Variants in SLC41A3 observed in about 807,000 individuals in gnomAD.
SLC41A3 encodes the protein SLC41A1-like 2.
A neutral mutation model predicts 45.4 loss-of-function variants in SLC41A3; 44 were observed. That is an observed-to-expected ratio of 0.97 (90% CI 0.76 to 1.25). SLC41A3 has a LOEUF of 1.25. Among genes scored for constraint, SLC41A3 ranks in the 50% most tolerant of loss-of-function variants. The pLI is 0.00. For missense variants in SLC41A3, 550 were observed against 600.6 expected (o/e 0.92, Z 0.88); for synonymous variants, 256 against 252.4 (o/e 1.01, Z -0.13).
upstream of SLC41A3, among the ~76,000 whole-genome samples, chr3:126,089,276 G>A (rs1158809974): frequency 6.6e-6 from 1 of 152,170 alleles, no homozygotes; most frequent in Non-Finnish European, 1.5e-5. Context: ...CTTGCTGCTA[G>A]GAACCCAAAC....
At chr3:126,010,076 G>A (rs907118091) in intron 9 of SLC41A3, among the ~76,000 whole-genome samples, 5 of 152,334 alleles carry the variant, frequency 3.3e-5, no homozygotes, top group Non-Finnish European at 7.4e-5. Context: ...CAACATGGTC[G>A]TGAGTCCCCT....
intron 1 of SLC41A3, among the ~76,000 whole-genome samples, chr3:126,082,976 C>A (rs144464727): frequency 1.3e-5 from 2 of 152,222 alleles, no homozygotes; most frequent in African/African-American, 4.8e-5. Flanking sequence ...CCCAGCTCCT[C>A]CCCTTTCTAG....
At chr3:126,056,237 G>C (rs1358816886) in intron 2 of SLC41A3, 2 of 1,305,738 alleles carry the variant, frequency 1.5e-6, no homozygotes, top group Non-Finnish European at 2.1e-6. Context: ...AGCAAGGGCA[G>C]GTTGAGGGCT....
intron 2 of SLC41A3, among the ~76,000 whole-genome samples, chr3:126,059,589 A>G (rs1943947720): frequency 6.6e-6 from 1 of 152,112 alleles, no homozygotes; most frequent in African/African-American, 2.4e-5. Context: ...ACAGTTTCCC[A>G]AGATCACACA....
intron 3 of SLC41A3, among the ~76,000 whole-genome samples, chr3:126,038,467 A>T (rs990275664): frequency 2.0e-5 from 3 of 152,246 alleles, no homozygotes; most frequent in Admixed American, 6.5e-5. Flanking sequence ...TGTGCCCTGA[A>T]CGCAGGACAT....
upstream of SLC41A3, among the ~76,000 whole-genome samples, chr3:126,085,058 ATTCCT>A (rs553497564): frequency 1.2e-4 from 18 of 152,336 alleles, no homozygotes; most frequent in East Asian, 3.1e-3. Context: ...TAACCCAGAC[ATTCCT>A]TTCTTTAATC....
At chr3:126,051,620 A>C (rs1170668402) in intron 2 of SLC41A3, among the ~76,000 whole-genome samples, 1 of 152,232 alleles carries the variant, frequency 6.6e-6, no homozygotes, top group African/African-American at 2.4e-5. Context: ...CTTCAAAGAC[A>C]GATGAAAGGG....
At chr3:126,036,396 G>A (rs1257211042) in intron 3 of SLC41A3, among the ~76,000 whole-genome samples, 1 of 152,202 alleles carries the variant, frequency 6.6e-6, no homozygotes, top group Non-Finnish European at 1.5e-5. Flanking sequence ...CCAACAGTGA[G>A]TTTGGGGTGT....
intron 2 of SLC41A3, among the ~76,000 whole-genome samples, chr3:126,066,133 G>A (rs1333030864): frequency 6.6e-6 from 1 of 152,208 alleles, no homozygotes; most frequent in African/African-American, 2.4e-5. Context: ...TGTCTGTCTT[G>A]CCAGCAGACT....
chr3:126,083,497 G>A (rs1043938492), intron 1 of SLC41A3, among the ~76,000 whole-genome samples: 2 of 152,148 alleles, frequency 1.3e-5, no homozygotes, highest in Non-Finnish European at 2.9e-5. Flanking sequence ...ACAGACTCCC[G>A]GCTGGGCACC....
Position 126,045,874 on chromosome 3 carries a change from A to G in SLC41A3, c.381+5069T>C, listed in dbSNP as rs72979465. The stretch of plus-strand genomic sequence containing the variant: ...AAAAATCTTCAAAAAATACTAATAA[A>G]CTGAATACAACAGTATATTAAAAGG... On this transcript the variant is annotated intron_variant, in intron 3 of 10. Transcript: ENST00000360370. Among the ~76,000 whole-genome samples the G allele has an allele frequency of 5.9e-3, 896 of 152,204 alleles. 6 individuals are homozygous for G. The highest frequency in any genetic ancestry group is 0.021 in the African/African-American group (853 of 41,528).
At chr3:126,074,807 C>T (rs573579347) in intron 1 of SLC41A3, among the ~76,000 whole-genome samples, 5 of 152,038 alleles carry the variant, frequency 3.3e-5, no homozygotes, top group South Asian at 2.1e-4. Context: ...CAGCTTCCTG[C>T]GTAGCTGGGG....
At chr3:126,096,240 T>C (rs911539601) in intron 1 of SLC41A3, among the ~76,000 whole-genome samples, 1 of 152,254 alleles carries the variant, frequency 6.6e-6, no homozygotes, top group Admixed American at 6.5e-5. Context: ...ATGATTATTA[T>C]GCTTTTAATC....
intron 1 of SLC41A3, among the ~76,000 whole-genome samples, chr3:126,099,470 G>T (rs1945666666): frequency 6.6e-6 from 1 of 152,170 alleles, no homozygotes; most frequent in South Asian, 2.1e-4. Flanking sequence ...CCAGCACTTT[G>T]GGTGGCCAAG....
At chr3:126,040,207 T>G (rs143153296) in intron 3 of SLC41A3, among the ~76,000 whole-genome samples, 1 of 152,242 alleles carries the variant, frequency 6.6e-6, no homozygotes, top group Non-Finnish European at 1.5e-5. Flanking sequence ...CATCTATACA[T>G]GTCATAAATA....
intron 1 of SLC41A3, among the ~76,000 whole-genome samples, chr3:126,090,530 A>G (rs919396639): frequency 6.6e-6 from 1 of 152,204 alleles, no homozygotes; most frequent in Non-Finnish European, 1.5e-5. Context: ...CCAGGTTATA[A>G]TTTTTCTTCA....
chr3:126,090,855 T>A (rs1158029481), intron 1 of SLC41A3, among the ~76,000 whole-genome samples: 1 of 152,082 alleles, frequency 6.6e-6, no homozygotes, highest in Non-Finnish European at 1.5e-5. Flanking sequence ...TAAGTCAAGG[T>A]CAAACCCTCC....
intron 6 of SLC41A3, among the ~76,000 whole-genome samples, chr3:126,020,569 A>G (rs1940757967): frequency 6.6e-6 from 1 of 152,064 alleles, no homozygotes; most frequent in Non-Finnish European, 1.5e-5. Flanking sequence ...CATCCCAACC[A>G]CCTGAATGGA....
At chr3:126,070,964 G>T (rs953425044) in intron 1 of SLC41A3, among the ~76,000 whole-genome samples, 2 of 151,830 alleles carry the variant, frequency 1.3e-5, no homozygotes, top group Non-Finnish European at 2.9e-5. Flanking sequence ...ATAAACCAAG[G>T]TGCTGATTGT....
Sources: gnomAD v4.1 joint callset for allele counts (sites outside exome capture counted in the v4.1 genomes callset) on GRCh38, gnomAD v4.1.1 for gene constraint, MANE v1.5 for transcripts, NCBI Gene and HGNC (gene_info 2026-07-23, HGNC 2026-07-21) for gene names.